CAMTA1: variants seen among roughly 807,000 people sequenced by gnomAD.
The protein encoded by CAMTA1 is calmodulin binding transcription activator 1.
CAMTA1 carries 27 observed loss-of-function variants against 170.9 expected under a neutral mutation model. The observed-to-expected ratio is 0.16, with a 90% CI of 0.12 to 0.22. CAMTA1 has a LOEUF of 0.22. CAMTA1 is among the 10% of genes least tolerant of loss of function. The pLI is 1.00. For missense variants in CAMTA1, 1,619 were observed against 2,217.2 expected, an observed-to-expected ratio of 0.73 and a Z score of 5.42; for synonymous variants, 833 against 891.5, an observed-to-expected ratio of 0.93 and a Z score of 1.17.
At chr1:7,540,598 T>C (rs1195318893) in intron 6 of CAMTA1, among the ~76,000 whole-genome samples, 2 of 152,144 alleles carry the variant, frequency 1.3e-5, no homozygotes, top group African/African-American at 4.8e-5. Context: ...ACATTCCTCT[T>C]TGCACGACAG....
chr1:6,830,751 C>T (rs949130639), intron 3 of CAMTA1, among the ~76,000 whole-genome samples: 8 of 152,150 alleles, frequency 5.3e-5, no homozygotes, highest in African/African-American at 1.9e-4. Context: ...AAACTACCTC[C>T]AAAATCAAGA....
At chr1:7,493,118 GCGCACACACAGACA>G (rs2093753577) in intron 6 of CAMTA1, among the ~76,000 whole-genome samples, 1 of 124,804 alleles carries the variant, frequency 8.0e-6, no homozygotes, top group Non-Finnish European at 1.6e-5. Context: ...ATACACACAC[GCGCACACACAGACA>G]TACAAACGTG....
intron 5 of CAMTA1, among the ~76,000 whole-genome samples, chr1:7,264,920 T>C (rs114522160): frequency 0.013 from 1,947 of 152,314 alleles, 31 homozygotes; most frequent in Admixed American, 0.035. Flanking sequence ...CTTTTGTTTA[T>C]AAAAAGCCAA....
intron 5 of CAMTA1, among the ~76,000 whole-genome samples, chr1:7,331,608 T>G (rs541987407): frequency 6.6e-6 from 1 of 152,320 alleles, no homozygotes; most frequent in Non-Finnish European, 1.5e-5. Context: ...CATCACATGC[T>G]AGCATTATTA....
intron 6 of CAMTA1, among the ~76,000 whole-genome samples, chr1:7,627,586 A>G (rs1374671785): frequency 6.6e-6 from 1 of 152,190 alleles, no homozygotes; most frequent in Non-Finnish European, 1.5e-5. Flanking sequence ...TAAGGCACAG[A>G]GATGTGATTG....
rs900479112 is a variant in CAMTA1 at position 7,585,960 on chromosome 1, C to T, written c.511-54440C>T. Among the ~76,000 whole-genome samples the T allele has an allele frequency of 2.0e-5, 3 of 152,124 alleles. No individual in the cohort carries two copies. Among genetic ancestry groups the T allele is most frequent in the African/African-American group, 4.8e-5 (2 of 41,362 alleles). On this transcript the variant is annotated intron_variant, in intron 6 of 22. Coordinates refer to ENST00000303635, the MANE Select transcript of CAMTA1 (RefSeq NM_015215.4). This position sits in a 1 kb window ranked among gnomAD's most constrained non-coding sequence, Gnocchi z 4.8. Reference sequence around the variant, plus strand: ...TCCCCCAGGACCCTGGGTCCAGCTCCTCACATGCACTCACAGGGCAGGGAC... The same window carrying T: ...TCCCCCAGGACCCTGGGTCCAGCTCTTCACATGCACTCACAGGGCAGGGAC...
intron 4 of CAMTA1, among the ~76,000 whole-genome samples, chr1:7,165,675 A>C (rs1648248452): frequency 6.6e-6 from 1 of 152,096 alleles, no homozygotes; most frequent in Non-Finnish European, 1.5e-5. Context: ...CAGGTGATCC[A>C]CCCGTCTCGT....
chr1:7,350,844 C>T (rs1223555012), intron 5 of CAMTA1, among the ~76,000 whole-genome samples: 1 of 152,250 alleles, frequency 6.6e-6, no homozygotes, highest in Non-Finnish European at 1.5e-5. Flanking sequence ...TGTCCCTCCA[C>T]ATTCTGCCAG....
intron 16 of CAMTA1, 118 bp from the exon 17 acceptor site, chr1:7,744,717 G>A: frequency 1.3e-6 from 1 of 754,046 alleles, no homozygotes; most frequent in South Asian, 1.8e-5. Flanking sequence ...GGATTGAGGT[G>A]GAAGTCTGCC....
intron 11 of CAMTA1, among the ~76,000 whole-genome samples, chr1:7,687,095 C>T (rs1469232868): frequency 6.6e-6 from 1 of 151,876 alleles, no homozygotes; most frequent in Non-Finnish European, 1.5e-5. Flanking sequence ...TTTAGGAGTC[C>T]TCCGCGTGCA....
At chr1:7,305,222 A>G (rs896017187) in intron 5 of CAMTA1, among the ~76,000 whole-genome samples, 1 of 152,020 alleles carries the variant, frequency 6.6e-6, no homozygotes, top group Non-Finnish European at 1.5e-5. Context: ...TTGTCTGTTT[A>G]TCCACATTTG....
chr1:6,900,177 C>G (rs1374478152), intron 3 of CAMTA1, among the ~76,000 whole-genome samples: 1 of 152,224 alleles, frequency 6.6e-6, no homozygotes, highest in African/African-American at 2.4e-5. Context: ...TGCTTCATTG[C>G]TTGGTACATT....
intron 4 of CAMTA1, among the ~76,000 whole-genome samples, chr1:7,142,790 C>CAGA (rs34422770): frequency 0.54 from 81,538 of 151,804 alleles, 22,025 homozygotes; most frequent in Middle Eastern, 0.68. Context: ...GTACAGCCTG[C>CAGA]AGAACTGTGA....
intron 3 of CAMTA1, among the ~76,000 whole-genome samples, chr1:6,983,970 T>G (rs375776304): frequency 8.2e-6 from 1 of 122,212 alleles, no homozygotes; most frequent in East Asian, 2.7e-4. Context: ...GGATAAATGG[T>G]TGGGTGGATG....
chr1:6,842,445 G>T (rs1235519745), intron 3 of CAMTA1, among the ~76,000 whole-genome samples: 1 of 152,192 alleles, frequency 6.6e-6, no homozygotes, highest in East Asian at 1.9e-4. Flanking sequence ...AACATATCAC[G>T]ACCTGGGCCC....
chr1:6,824,158 A>G (rs1478644397), intron 2 of CAMTA1, among the ~76,000 whole-genome samples: 1 of 152,158 alleles, frequency 6.6e-6, no homozygotes, highest in Non-Finnish European at 1.5e-5. Context: ...GTACCTAGTT[A>G]TGTGTACCCT....
At chr1:7,654,817 CACA>C in intron 7 of CAMTA1, among the ~76,000 whole-genome samples, 1 of 119,720 alleles carries the variant, frequency 8.4e-6, no homozygotes, top group Admixed American at 1.0e-4. Flanking sequence ...CCACACACAC[CACA>C]CACACCCCTA....
At chr1:7,221,425 C>T (rs1017213603) in intron 4 of CAMTA1, among the ~76,000 whole-genome samples, 3 of 152,140 alleles carry the variant, frequency 2.0e-5, no homozygotes, top group East Asian at 1.9e-4. Context: ...GCCATTGCTC[C>T]GGCTTTTGGG....
At chr1:7,229,429 G>A (rs990968932) in intron 4 of CAMTA1, among the ~76,000 whole-genome samples, 1 of 129,488 alleles carries the variant, frequency 7.7e-6, no homozygotes, top group Admixed American at 7.8e-5. Context: ...GAGAGGAGGG[G>A]AGGGGAGGAG....
Sources: allele counts gnomAD v4.1 joint callset (sites outside exome capture counted in the v4.1 genomes callset), GRCh38; gene constraint gnomAD v4.1.1; non-coding constraint Gnocchi (gnomAD v3.1); transcripts MANE v1.5; gene names NCBI Gene and HGNC (gene_info 2026-07-23, HGNC 2026-07-21).